The following SERPING1 variants were observed in gnomAD, a reference collection of about 807,000 sequenced individuals.
The protein encoded by SERPING1 is plasma protease C1 inhibitor.
SERPING1 carries 5 observed loss-of-function variants against 34.1 expected under a neutral mutation model. The observed-to-expected ratio is 0.15, with a 90% confidence interval of 0.08 to 0.31. The LOEUF is 0.31. Among genes scored for constraint, SERPING1 ranks in the 10% least tolerant of loss-of-function variants. SERPING1 has a pLI of 1.00. For missense variants in SERPING1, 505 were observed against 609.5 expected (o/e 0.83, Z 1.81); for synonymous variants, 225 against 242.4 (o/e 0.93, Z 0.67).
chr11:57,613,573 G>A (rs561109922), intron 7 of SERPING1, among the ~76,000 whole-genome samples: 6 of 152,178 alleles, frequency 3.9e-5, no homozygotes, highest in Admixed American at 3.9e-4. Context: ...AATCTGGAAG[G>A]GTCCTGGGCC....
chr11:57,606,875 G>A (rs1436735801), intron 6 of SERPING1: 1 of 578,334 alleles, frequency 1.7e-6, no homozygotes, highest in Non-Finnish European at 3.3e-6. Flanking sequence ...GGCTTAGCAA[G>A]TCCTGTGTGT....
chr11:57,613,639 T>C (rs1945504925), intron 7 of SERPING1, among the ~76,000 whole-genome samples: 1 of 152,218 alleles, frequency 6.6e-6, no homozygotes, highest in African/African-American at 2.4e-5. Flanking sequence ...CATGTATGTG[T>C]TCACCAACCA....
At chr11:57,603,608 G>A (rs1186815257) in intron 4 of SERPING1, among the ~76,000 whole-genome samples, 2 of 151,842 alleles carry the variant, frequency 1.3e-5, no homozygotes, top group Non-Finnish European at 2.9e-5. Flanking sequence ...GGAGGCTGAG[G>A]CGGGCGGACC....
chr11:57,604,401 G>C (rs1590825486), intron 4 of SERPING1, among the ~76,000 whole-genome samples: 1 of 151,916 alleles, frequency 6.6e-6, no homozygotes, highest in East Asian at 1.9e-4. Context: ...TTGTTCCTCG[G>C]AGCCCTAGGA....
In SERPING1 at chr11:57,600,073, C is replaced by A; in HGVS notation, c.246C>A (p.Thr82=). ...TNSATKITAN[T]TDEPTTQPTT... is the part of the protein sequence containing the mutation. Reference sequence around the variant, plus strand: ...CAGCCACCAAAATAACAGCTAATACCACTGATGAACCCACCACACAACCCA... The same window carrying A: ...CAGCCACCAAAATAACAGCTAATACAACTGATGAACCCACCACACAACCCA... The change falls in exon 3 of 8, where the codon ACC becomes ACA. Residue 82 remains threonine (T), a synonymous_variant. Coordinates refer to ENST00000278407, the MANE Select transcript of SERPING1 (RefSeq NM_000062.3). The A allele has an allele frequency of 6.2e-7, 1 of 1,613,818 alleles. No individual in the cohort carries two copies. Among genetic ancestry groups the A allele is most frequent in the African/African-American group, 1.3e-5 (1 of 75,002 alleles).
intron 6 of SERPING1, chr11:57,611,450 A>T: frequency 5.6e-6 from 3 of 534,920 alleles, no homozygotes; most frequent in Non-Finnish European, 1.0e-5. Flanking sequence ...TCACTTGCCC[A>T]TATTACATAG....
chr11:57,602,253 G>A, intron 4 of SERPING1, 84 bp downstream of exon 4: 3 of 1,526,236 alleles, frequency 2.0e-6, no homozygotes, highest in South Asian at 2.2e-5. Context: ...GGAAAGAAAG[G>A]ACAGAGGGAA....
Position 57,611,945 on chromosome 11 carries a change from T to G in SERPING1, c.1249+9T>G. 6.2e-7 allele frequency: 1 copy of G among 1,610,742 alleles called. No individual in the cohort carries two copies. The highest frequency in any genetic ancestry group is 1.1e-5 in the South Asian group (1 of 90,962). ...AATCATGGAGAAATTGGGTGAGCTC[T>G]GGCAGCTTAGGGTTACTCCCAGGCC... On this transcript the variant is annotated intron_variant, in intron 7 of 7. Transcript: ENST00000278407.
In SERPING1 at chr11:57,614,704, C is replaced by T. The variant is rs998378583; in HGVS notation, c.*123C>T. On this transcript the variant is annotated 3_prime_UTR_variant, in exon 8 of 8. Transcript: ENST00000278407. ...CCTGCCTCAGGTGTCCGCTATCCAC[C>T]AAAAGGGCTCCCTGAGGGTCTGGGC... 2 of 1,169,364 alleles carry T rather than the reference C, an allele frequency of 1.7e-6. No individual in the cohort carries two copies. The highest frequency in any genetic ancestry group is 2.2e-5 in the Admixed American group (1 of 44,744). 72.4% of individuals were successfully genotyped at this position (1,169,364 alleles called of 1,614,324 possible). A position where few individuals can be genotyped will look rare whatever the true frequency, so the allele number is the denominator to read the frequency against.
At chr11:57,603,233 CAA>C (rs1450085486) in intron 4 of SERPING1, among the ~76,000 whole-genome samples, 7 of 122,016 alleles carry the variant, frequency 5.7e-5, no homozygotes, top group Non-Finnish European at 3.5e-5. Context: ...AACTCTGTCT[CAA>C]AAAAAAAAAA....
At chr11:57,604,413 T>C (rs1395433705) in intron 4 of SERPING1, among the ~76,000 whole-genome samples, 1 of 152,104 alleles carries the variant, frequency 6.6e-6, no homozygotes, top group Non-Finnish European at 1.5e-5. Flanking sequence ...GCCCTAGGAC[T>C]TTGCAAAGCT....
In SERPING1 at chr11:57,611,759, C is replaced by G; in HGVS notation, c.1072C>G (p.Leu358Val). ...QLSHNLSLVI[L>V]VPQNLKHRLE... The stretch of plus-strand genomic sequence containing the variant: ...CTCCCACAATCTGAGTTTGGTGATC[C>G]TGGTACCCCAGAACCTGAAACATCG... The change falls in exon 7 of 8, where the codon CTG becomes GTG. Residue 358 changes from leucine to valine, a missense_variant. Transcript: ENST00000278407. 6.2e-7 allele frequency: 1 copy of G among 1,614,212 alleles called. No homozygotes were observed. The highest frequency in any genetic ancestry group is 1.7e-5 in the Admixed American group (1 of 60,016).
intron 1 of SERPING1, 84 bp from the exon 2 acceptor site, chr11:57,598,165 C>G (rs1945308193): frequency 9.6e-7 from 1 of 1,038,608 alleles, no homozygotes; most frequent in Admixed American, 2.5e-5. Flanking sequence ...GGGCCTGAGA[C>G]GGAATGGGGG....
At chr11:57,600,938 G>C (rs1461673876) in intron 3 of SERPING1, among the ~76,000 whole-genome samples, 1 of 134,938 alleles carries the variant, frequency 7.4e-6, no homozygotes, top group Non-Finnish European at 1.6e-5. Flanking sequence ...GTGACAGAGC[G>C]AGACTCTGTC....
At position 57,600,165 on chromosome 11, in the gene SERPING1, C is replaced by T; in HGVS notation, c.338C>T (p.Ser113Phe). 6.7e-7 allele frequency: 1 copy of T among 1,486,134 alleles called. No individual in the cohort carries two copies. The highest frequency in any genetic ancestry group is 9.1e-7 in the Non-Finnish European group (1 of 1,098,840). The allele number at this position is 1,486,134 out of a possible 1,614,324, so 92.1% of individuals were successfully genotyped here. A position where few individuals can be genotyped will look rare whatever the true frequency, so the allele number is the denominator to read the frequency against. Reference protein sequence around the residue: ...TQPTTQLPTDSPTQPTTGSFC... With the variant: ...TQPTTQLPTDFPTQPTTGSFC... The stretch of plus-strand genomic sequence containing the variant: ...CCAACTACCCAGCTCCCAACAGATT[C>T]TCCTACCCAGCCCACTACTGGGTCC... Residue 113 changes from serine to phenylalanine, a missense_variant, in exon 3 of 8, where the codon TCT becomes TTT. Ser to Phe is a radical substitution (Grantham distance 155, BLOSUM62 -2). Transcript: ENST00000278407.
intron 4 of SERPING1, among the ~76,000 whole-genome samples, chr11:57,604,375 T>C (rs927169584): frequency 2.0e-5 from 3 of 152,116 alleles, no homozygotes; most frequent in Non-Finnish European, 4.4e-5. Context: ...CGATCCAATG[T>C]AGTTGTTTTC....
intron 2 of SERPING1, among the ~76,000 whole-genome samples, 199 bp downstream of exon 2, chr11:57,598,520 A>G (rs1349638540): frequency 6.6e-6 from 1 of 152,142 alleles, no homozygotes; most frequent in African/African-American, 2.4e-5. Flanking sequence ...TGCAAGTTCT[A>G]ATCTTGGCGG....
intron 1 of SERPING1, 26 bp from the exon 2 acceptor site, chr11:57,598,223 G>A (rs1228385071): frequency 8.5e-6 from 13 of 1,533,690 alleles, no homozygotes; most frequent in Non-Finnish European, 1.1e-5. Flanking sequence ...GGTGGGAGCT[G>A]GCTCCGAGGC....
intron 4 of SERPING1, among the ~76,000 whole-genome samples, chr11:57,604,976 G>A (rs910262083): frequency 1.3e-5 from 2 of 151,616 alleles, no homozygotes; most frequent in Non-Finnish European, 2.9e-5. Context: ...ACTCTAGGTT[G>A]GGTAACAGAG....
Sources: allele counts gnomAD v4.1 joint callset (sites outside exome capture counted in the v4.1 genomes callset), GRCh38; gene constraint gnomAD v4.1.1; transcripts MANE v1.5; gene names NCBI Gene and HGNC (gene_info 2026-07-23, HGNC 2026-07-21).